ARIH1: variants seen among roughly 807,000 people sequenced by gnomAD.
The protein encoded by ARIH1 is E3 ubiquitin-protein ligase ARIH1.
In ARIH1, 8 loss-of-function variants were observed where a neutral mutation model predicts 85.0. The ratio of observed to expected loss-of-function variants is 0.09; its 90% CI spans 0.06 to 0.17. The LOEUF is 0.17. ARIH1 is among the 10% of genes least tolerant of loss of function. ARIH1 has a pLI of 1.00. For synonymous variants in ARIH1, 238 were observed against 253.6 expected (o/e 0.94, Z 0.59); for missense variants, 311 against 718.1 (o/e 0.43, Z 6.48).
At chr15:72,558,969 CTTA>C (rs905054464) in intron 5 of ARIH1, among the ~76,000 whole-genome samples, 3 of 152,056 alleles carry the variant, frequency 2.0e-5, no homozygotes, top group African/African-American at 4.8e-5. Context: ...TGATACATTC[CTTA>C]TTATTATTTA....
intron 11 of ARIH1, among the ~76,000 whole-genome samples, chr15:72,574,514 G>A (rs372341095): frequency 3.3e-5 from 5 of 152,296 alleles, no homozygotes; most frequent in African/African-American, 1.2e-4. Flanking sequence ...ATGGTACCTT[G>A]ACTGCCCTGC....
intron 1 of ARIH1, among the ~76,000 whole-genome samples, chr15:72,485,411 G>A (rs1259420779): frequency 1.3e-5 from 2 of 152,128 alleles, no homozygotes; most frequent in East Asian, 1.9e-4. Context: ...ATCCAGGATC[G>A]AGAGCTCCTG....
rs894090735 is a variant in ARIH1 at position 72,596,516 on chromosome 15, G to A, written c.*13224G>A. 4 of 152,052 alleles carry A rather than the reference G, an allele frequency of 2.6e-5. No homozygotes were observed. Among genetic ancestry groups the A allele is most frequent in the Non-Finnish European group, 5.9e-5 (4 of 68,012 alleles). The allele number at this position is 152,052 out of a possible 1,614,324, so 9.4% of individuals were successfully genotyped here. A position where few individuals can be genotyped will look rare whatever the true frequency, so the allele number is the denominator to read the frequency against. On this transcript the variant is annotated 3_prime_UTR_variant, in exon 14 of 14. Coordinates refer to ENST00000379887, the MANE Select transcript of ARIH1 (RefSeq NM_005744.5). Reference sequence around the variant, plus strand: ...ATTGGTTCTTTCTTGGCCGTTATCCGTTTACATTTTTCTCTTGTCTCATAC... The same window carrying A: ...ATTGGTTCTTTCTTGGCCGTTATCCATTTACATTTTTCTCTTGTCTCATAC...
At chr15:72,560,953 C>T (rs556720063) in intron 5 of ARIH1, among the ~76,000 whole-genome samples, 2 of 152,270 alleles carry the variant, frequency 1.3e-5, no homozygotes, top group East Asian at 1.9e-4. Context: ...GGCCAGGATG[C>T]AGTCAGTGAG....
At chr15:72,556,035 TTAG>T in intron 5 of ARIH1, 128 bp downstream of exon 5, 2 of 710,946 alleles carry the variant, frequency 2.8e-6, no homozygotes, top group Non-Finnish European at 4.7e-6. Context: ...TCTGCGTTCC[TTAG>T]TAGTAGTACA....
chr15:72,579,072 C>G (rs2064284569), intron 11 of ARIH1, among the ~76,000 whole-genome samples: 1 of 152,132 alleles, frequency 6.6e-6, no homozygotes, highest in Non-Finnish European at 1.5e-5. Context: ...GCATGAGCCA[C>G]CACACCCAGC....
intron 1 of ARIH1, among the ~76,000 whole-genome samples, chr15:72,511,728 T>C (rs1468452684): frequency 6.6e-6 from 1 of 152,212 alleles, no homozygotes; most frequent in African/African-American, 2.4e-5. Flanking sequence ...ACAGCTTTTT[T>C]CCTTTCCAAT....
At position 72,570,034 on chromosome 15, in the gene ARIH1, A is replaced by G. The variant is rs566767173; in HGVS notation, c.1027-143A>G. The G allele has an allele frequency of 2.3e-5, 20 of 861,728 alleles. 1 individual carries two copies. In the African/African-American group the frequency reaches 2.6e-4, roughly 11 times the overall value. The allele number at this position is 861,728 out of a possible 1,614,324, so 53.4% of individuals were successfully genotyped here. On this transcript the variant is annotated intron_variant, in intron 9 of 13. Coordinates refer to ENST00000379887, the MANE Select transcript of ARIH1 (RefSeq NM_005744.5). ...ATTTTAAATAGTGCTTAAGTGTTCA[A>G]CACTGTTCTAAGTGCTTTATATGTA...
intron 1 of ARIH1, among the ~76,000 whole-genome samples, chr15:72,481,013 T>A (rs1312208383): frequency 6.6e-6 from 1 of 152,232 alleles, no homozygotes; most frequent in Admixed American, 6.5e-5. Context: ...AATTCAGGTG[T>A]GCATATTGTG....
rs529938737 is a variant in ARIH1 at position 72,550,955 on chromosome 15, A to T, written c.589-4316A>T. ...CCAAAGTGCTCGGATTACAGGCACG[A>T]GCCACTGTACCCAGCCCTCTCATAG... On this transcript the variant is annotated intron_variant, in intron 3 of 13. Coordinates refer to ENST00000379887, the MANE Select transcript of ARIH1 (RefSeq NM_005744.5). 1.0e-3 allele frequency among the ~76,000 whole-genome samples: 154 copies of T among 152,296 alleles called. 1 individual carries two copies. Among genetic ancestry groups the T allele is most frequent in the Non-Finnish European group, 1.0e-3 (70 of 68,022 alleles).
intron 1 of ARIH1, among the ~76,000 whole-genome samples, chr15:72,476,505 C>G (rs1430015983): frequency 6.6e-6 from 1 of 151,946 alleles, no homozygotes; most frequent in Non-Finnish European, 1.5e-5. Flanking sequence ...GCTGGTACTA[C>G]AGGCGCGCTC....
At chr15:72,493,306 T>C (rs761682365) in intron 1 of ARIH1, among the ~76,000 whole-genome samples, 21 of 152,152 alleles carry the variant, frequency 1.4e-4, no homozygotes, top group Non-Finnish European at 2.4e-4. Context: ...AAGCTGCTGC[T>C]TATTCTGGGT....
intron 1 of ARIH1, among the ~76,000 whole-genome samples, chr15:72,483,521 GCTAT>G (rs2063824713): frequency 6.6e-6 from 1 of 152,202 alleles, no homozygotes; most frequent in African/African-American, 2.4e-5. Flanking sequence ...GTCTTTGGGG[GCTAT>G]CTTAGAGGCC....
intron 3 of ARIH1, among the ~76,000 whole-genome samples, chr15:72,549,076 GTC>G (rs1351194862): frequency 1.3e-5 from 2 of 150,348 alleles, no homozygotes; most frequent in African/African-American, 4.9e-5. Context: ...CGACTACAGC[GTC>G]TCTCTCTCTC....
intron 1 of ARIH1, among the ~76,000 whole-genome samples, chr15:72,484,900 A>G (rs1330743951): frequency 6.6e-6 from 1 of 152,012 alleles, no homozygotes; most frequent in East Asian, 1.9e-4. Flanking sequence ...TGGCGTGTGC[A>G]AGTATCTTTT....
intron 2 of ARIH1, among the ~76,000 whole-genome samples, chr15:72,522,770 C>A (rs1195774294): frequency 6.6e-6 from 1 of 151,930 alleles, no homozygotes; most frequent in Non-Finnish European, 1.5e-5. Context: ...GACTCTTGTC[C>A]GAAATATACA....
At chr15:72,549,740 TAA>T (rs1370617559) in intron 3 of ARIH1, among the ~76,000 whole-genome samples, 2 of 152,248 alleles carry the variant, frequency 1.3e-5, no homozygotes, top group African/African-American at 4.8e-5. Context: ...GCTGTGTATG[TAA>T]AGTGATGCAG....
At chr15:72,479,578 T>A (rs149933922) in intron 1 of ARIH1, among the ~76,000 whole-genome samples, 1 of 151,838 alleles carries the variant, frequency 6.6e-6, no homozygotes. Flanking sequence ...CCAACTAATT[T>A]TTGTATTTTT....
rs2064344877 is a variant in ARIH1 at position 72,591,850 on chromosome 15, A to G, written c.*8558A>G. ...GTTAATAAATTCCTACCACATACCC[A>G]GACTTGTGGTTTATTTCTATCTAAC... On this transcript the variant is annotated 3_prime_UTR_variant, in exon 14 of 14. Coordinates refer to ENST00000379887, the MANE Select transcript of ARIH1 (RefSeq NM_005744.5). 6.6e-6 allele frequency: 1 copy of G among 152,222 alleles called. No homozygotes were observed. The allele number at this position is 152,222 out of a possible 1,614,324, so 9.4% of individuals were successfully genotyped here.
Sources: gnomAD v4.1 joint callset for allele counts (sites outside exome capture counted in the v4.1 genomes callset) on GRCh38, gnomAD v4.1.1 for gene constraint, MANE v1.5 for transcripts, NCBI Gene and HGNC (gene_info 2026-07-23, HGNC 2026-07-21) for gene names.